HNRNPF: variants seen among roughly 807,000 people sequenced by gnomAD.
HNRNPF encodes heterogeneous nuclear ribonucleoprotein F, also known as HnRNP F protein.
Under a neutral mutation model 26.0 loss-of-function variants are expected in HNRNPF, and 2 were observed. The observed-to-expected ratio is 0.08, with a 90% CI of 0.03 to 0.24. The LOEUF (loss-of-function observed/expected upper bound fraction) is 0.24, where lower values mean the gene tolerates loss of function less well. HNRNPF is among the 10% of genes least tolerant of loss of function. The pLI is 1.00. For synonymous variants in HNRNPF, 234 were observed against 211.5 expected (o/e 1.11, Z -0.92); for missense variants, 299 against 539.2 (o/e 0.55, Z 4.41).
intron 1 of HNRNPF, among the ~76,000 whole-genome samples, chr10:43,402,242 A>AT (rs1564398840): frequency 1.3e-5 from 2 of 152,224 alleles, no homozygotes. Flanking sequence ...GGGGGAGAAG[A>AT]TAAGAGATTT....
At chr10:43,394,963 G>A (rs1028554215) in intron 2 of HNRNPF, among the ~76,000 whole-genome samples, 38 of 152,106 alleles carry the variant, frequency 2.5e-4, no homozygotes, top group Non-Finnish European at 4.4e-5. Context: ...TGGTATTACA[G>A]GCGTGCACCA....
At chr10:43,388,966 ATTTT>A (rs141503011) in intron 3 of HNRNPF, among the ~76,000 whole-genome samples, 1,708 of 127,054 alleles carry the variant, frequency 0.013, 23 homozygotes, top group African/African-American at 0.048. Context: ...AGTATATGGA[ATTTT>A]TTTTTTTTTT....
intron 3 of HNRNPF, among the ~76,000 whole-genome samples, chr10:43,388,645 G>T (rs185569378): frequency 9.8e-4 from 150 of 152,342 alleles, no homozygotes; most frequent in African/African-American, 3.5e-3. Context: ...ATGATTCACA[G>T]GTTCACATAA....
At chr10:43,406,330 C>T (rs1214747322) in intron 1 of HNRNPF, among the ~76,000 whole-genome samples, 1 of 152,102 alleles carries the variant, frequency 6.6e-6, no homozygotes, top group Admixed American at 6.6e-5. Context: ...CAGTCTTTTC[C>T]CTTAAATAAA....
At chr10:43,389,250 G>C (rs1220491929) in intron 3 of HNRNPF, among the ~76,000 whole-genome samples, 1 of 152,112 alleles carries the variant, frequency 6.6e-6, no homozygotes, top group African/African-American at 2.4e-5. Flanking sequence ...GGAATTACTG[G>C]CGTGAGCCAC....
intron 3 of HNRNPF, among the ~76,000 whole-genome samples, chr10:43,392,981 G>A (rs777766122): frequency 1.3e-5 from 2 of 152,160 alleles, no homozygotes; most frequent in Non-Finnish European, 2.9e-5. Context: ...GGCTCTAGAA[G>A]GAAACTGGAG....
chr10:43,390,866 GT>G, intron 3 of HNRNPF, among the ~76,000 whole-genome samples: 1 of 152,118 alleles, frequency 6.6e-6, no homozygotes, highest in East Asian at 1.9e-4. Context: ...CCCAGGCACT[GT>G]AGGATGTTTA....
intron 1 of HNRNPF, among the ~76,000 whole-genome samples, chr10:43,398,344 GTTTT>G: frequency 8.0e-6 from 1 of 125,484 alleles, no homozygotes; most frequent in East Asian, 2.3e-4. Flanking sequence ...TGTTGTTGTT[GTTTT>G]TTTTTTTTTT....
chr10:43,391,350 ACG>A (rs1838238341), intron 3 of HNRNPF, among the ~76,000 whole-genome samples: 1 of 151,592 alleles, frequency 6.6e-6, no homozygotes, highest in African/African-American at 2.4e-5. Context: ...CCCAGCCACT[ACG>A]GAGGCTGAGG....
At chr10:43,403,436 C>T (rs555075292) in intron 1 of HNRNPF, among the ~76,000 whole-genome samples, 11 of 152,274 alleles carry the variant, frequency 7.2e-5, no homozygotes, top group African/African-American at 2.6e-4. Flanking sequence ...TTGATTTTTT[C>T]ATTTCCAAAA....
chr10:43,397,033 G>A (rs554394310), intron 1 of HNRNPF, among the ~76,000 whole-genome samples: 1 of 151,864 alleles, frequency 6.6e-6, no homozygotes, highest in South Asian at 2.1e-4. Flanking sequence ...GGAGCTCGGG[G>A]ACCCGCGGGC....
chr10:43,405,741 A>G (rs1838896014), intron 1 of HNRNPF, among the ~76,000 whole-genome samples: 1 of 152,174 alleles, frequency 6.6e-6, no homozygotes, highest in South Asian at 2.1e-4. Context: ...TGACAGCAGT[A>G]TCATGGTTAG....
In HNRNPF at chr10:43,386,104, G is replaced by A. The variant is rs567144282; in HGVS notation, c.*533C>T. The A allele has an allele frequency of 6.6e-6, 1 of 152,612 alleles. No individual in the cohort carries two copies. Among genetic ancestry groups the A allele is most frequent in the South Asian group, 2.1e-4 (1 of 4,820 alleles). The allele number at this position is 152,612 out of a possible 1,614,324, so 9.5% of individuals were successfully genotyped here. On this transcript the variant is annotated 3_prime_UTR_variant, in exon 4 of 4. Transcript: ENST00000682386. ...TTCACTTAGCAAAATACACCCAAAA[G>A]GAAATCACAGTACAAAGAAAGTTTT...
At chr10:43,399,249 A>AT (rs1174248714) in intron 1 of HNRNPF, among the ~76,000 whole-genome samples, 1,888 of 150,528 alleles carry the variant, frequency 0.013, 35 homozygotes, top group African/African-American at 0.042. Flanking sequence ...AGCCGGGCTA[A>AT]TTTTTTTTTT....
At position 43,402,865 on chromosome 10, in the gene HNRNPF, T is replaced by C. The variant is rs191919459; in HGVS notation, c.-247+6266A>G. ...AGGATAAATCTAATAGGAGTCTTAA[T>C]CTGTCATGCCTTTTCTTAATTATGA... is the stretch of plus-strand genomic sequence containing the variant. On this transcript the variant is annotated intron_variant, in intron 1 of 3. Coordinates refer to ENST00000682386, the MANE Select transcript of HNRNPF (RefSeq NM_001098204.2). Among the ~76,000 whole-genome samples, 5 of 151,796 alleles carry C rather than the reference T, an allele frequency of 3.3e-5. No individual in the cohort carries two copies. In the East Asian group the frequency reaches 9.7e-4, roughly 29 times the overall value.
At chr10:43,401,001 G>A (rs975293236) in intron 1 of HNRNPF, among the ~76,000 whole-genome samples, 3 of 152,078 alleles carry the variant, frequency 2.0e-5, no homozygotes, top group African/African-American at 7.2e-5. Context: ...AGAATGGTGT[G>A]AACCCGGGAG....
At chr10:43,395,810 G>A (rs189837837) in intron 2 of HNRNPF, among the ~76,000 whole-genome samples, 1 of 152,308 alleles carries the variant, frequency 6.6e-6, no homozygotes, top group Admixed American at 6.5e-5. Context: ...CTGGGGACAT[G>A]CACAAGCTGG....
intron 1 of HNRNPF, among the ~76,000 whole-genome samples, chr10:43,403,746 C>G (rs1838824921): frequency 2.0e-5 from 3 of 152,186 alleles, no homozygotes; most frequent in Admixed American, 2.0e-4. Flanking sequence ...CACCTGTAAT[C>G]CCAGCACTTT....
intron 3 of HNRNPF, among the ~76,000 whole-genome samples, chr10:43,388,239 A>G (rs552287154): frequency 8.0e-4 from 122 of 152,328 alleles, no homozygotes; most frequent in African/African-American, 2.7e-3. Context: ...TGTCATGATA[A>G]TATGTGGCAG....
Sources: allele counts gnomAD v4.1 joint callset (sites outside exome capture counted in the v4.1 genomes callset), GRCh38; gene constraint gnomAD v4.1.1; transcripts MANE v1.5; gene names NCBI Gene and HGNC (gene_info 2026-07-23, HGNC 2026-07-21).